Variants in GPR149 observed in about 807,000 individuals in gnomAD.
The protein encoded by GPR149 is G protein-coupled receptor 149.
In GPR149, 50 loss-of-function variants were observed where a neutral mutation model predicts 50.2. The ratio of observed to expected loss-of-function variants is 1.00; its 90% CI spans 0.79 to 1.26. The LOEUF (loss-of-function observed/expected upper bound fraction) is 1.26, where lower values mean the gene tolerates loss of function less well. Ranked by LOEUF, GPR149 falls within the 50% of genes most tolerant of loss-of-function variation. The pLI, the probability that GPR149 is intolerant of heterozygous loss-of-function variation, is 0.00. For missense variants in GPR149, 983 were observed against 895.4 expected (o/e 1.10, Z -1.25); for synonymous variants, 405 against 358.2 (o/e 1.13, Z -1.48).
intron 3 of GPR149, among the ~76,000 whole-genome samples, chr3:154,350,240 AGAAAGGAAGAAAT>A (rs1168739415): frequency 6.6e-6 from 1 of 152,170 alleles, no homozygotes; most frequent in Non-Finnish European, 1.5e-5. Flanking sequence ...TGTACAGACC[AGAAAGGAAGAAAT>A]GAAACTTTTG....
intron 3 of GPR149, among the ~76,000 whole-genome samples, chr3:154,351,127 A>G (rs1227345151): frequency 6.6e-6 from 1 of 152,034 alleles, no homozygotes; most frequent in Non-Finnish European, 1.5e-5. Context: ...CAATATAGCT[A>G]TAATAATCAA....
intron 3 of GPR149, among the ~76,000 whole-genome samples, chr3:154,339,299 G>A (rs1184054953): frequency 6.6e-6 from 1 of 152,146 alleles, no homozygotes; most frequent in Non-Finnish European, 1.5e-5. Flanking sequence ...CGGTGATTCT[G>A]TTGCATAGTA....
Position 154,429,219 on chromosome 3 carries a change from T to C in GPR149, c.397A>G (p.Thr133Ala), listed in dbSNP as rs757342527. ...TGGCTCCCCACACCTCTGTGCATCG[T>C]ATAAAAGTTGTAAGAGACTAGGAGA... ...ATLLVSYNFYTMHRGVGSQTA... is the reference protein window; with the variant it reads ...ATLLVSYNFYAMHRGVGSQTA... Residue 133 changes from threonine to alanine, a missense_variant, in exon 1 of 4, where the codon ACG becomes GCG. Coordinates refer to ENST00000389740, the MANE Select transcript of GPR149 (RefSeq NM_001038705.3). 6.2e-7 allele frequency: 1 copy of C among 1,614,002 alleles called. No homozygotes were observed. Among genetic ancestry groups the C allele is most frequent in the African/African-American group, 1.3e-5 (1 of 74,924 alleles).
chr3:154,429,163 G>C lies in GPR149; in HGVS notation c.453C>G (p.Leu151=). 1 of 1,613,816 alleles carries C rather than the reference G, an allele frequency of 6.2e-7. No individual in the cohort carries two copies. Among genetic ancestry groups the C allele is most frequent in the Non-Finnish European group, 8.5e-7 (1 of 1,179,938 alleles). ...CTGCCCACACGGTCAGCACCACGCC[G>C]AGCACCTGGCCCGATCTTCTGGAGG... ...QTASRRSGQV[L]GVVLTVWAAS... is the part of the protein sequence containing the mutation. Residue 151 remains leucine (L), a synonymous_variant, in exon 1 of 4, where the codon CTC becomes CTG. Transcript: ENST00000389740.
chr3:154,353,322 T>C (rs1356462359), intron 3 of GPR149: 6 of 1,438,722 alleles, frequency 4.2e-6, no homozygotes, highest in South Asian at 1.1e-5. Flanking sequence ...CATGTATTTA[T>C]TTGCAACTTT....
At chr3:154,408,272 A>G (rs963848746) in intron 3 of GPR149, among the ~76,000 whole-genome samples, 8 of 152,168 alleles carry the variant, frequency 5.3e-5, no homozygotes, top group Non-Finnish European at 8.8e-5. Context: ...CACATCATGA[A>G]CTTTTGCTCC....
rs780217827 is a variant in GPR149 at position 154,371,457 on chromosome 3, C to T, written c.1624-33186G>A. 1.2e-4 allele frequency among the ~76,000 whole-genome samples: 18 copies of T among 152,190 alleles called. 1 individual carries two copies. The East Asian group carries it at 2.5e-3, about 21-fold the overall frequency. On this transcript the variant is annotated intron_variant, in intron 3 of 3. Transcript: ENST00000389740. ...TTATTGTCCCTTTTATTGTAGGAGT[C>T]GGAATACTGGGCAGGCTTGGGACTG... is the stretch of plus-strand genomic sequence containing the variant.
chr3:154,360,235 G>A (rs1714347084), intron 3 of GPR149, among the ~76,000 whole-genome samples: 1 of 152,130 alleles, frequency 6.6e-6, no homozygotes, highest in Non-Finnish European at 1.5e-5. Flanking sequence ...ACAGTTTCAG[G>A]GGGTCTGTAT....
chr3:154,419,872 C>T (rs1305513177), intron 3 of GPR149, among the ~76,000 whole-genome samples: 3 of 151,972 alleles, frequency 2.0e-5, no homozygotes, highest in Non-Finnish European at 4.4e-5. Context: ...TGTTCTTTGG[C>T]CTCCACCTTT....
In GPR149 at chr3:154,337,139, C is replaced by A. The variant is rs1329855644; in HGVS notation, c.*560G>T. The A allele has an allele frequency of 6.6e-6, 1 of 152,170 alleles. No homozygotes were observed. Among genetic ancestry groups the A allele is most frequent in the Non-Finnish European group, 1.5e-5 (1 of 68,010 alleles). The allele number at this position is 152,170 out of a possible 1,614,324, so 9.4% of individuals were successfully genotyped here. On this transcript the variant is annotated 3_prime_UTR_variant, in exon 4 of 4. Transcript: ENST00000389740. ...AATGAAGGAAACAACTATTTATAGA[C>A]TAGGAACCTGCGTGTTTCTCAGTTG...
intron 3 of GPR149, among the ~76,000 whole-genome samples, chr3:154,365,879 T>G (rs1714520667): frequency 6.6e-6 from 1 of 152,156 alleles, no homozygotes; most frequent in Non-Finnish European, 1.5e-5. Flanking sequence ...TATCTAACAC[T>G]GAAGCTTTTA....
intron 2 of GPR149, among the ~76,000 whole-genome samples, chr3:154,423,591 A>G (rs73872863): frequency 0.033 from 5,046 of 151,950 alleles, 281 homozygotes; most frequent in African/African-American, 0.11. Context: ...AACTTGAGAT[A>G]ATAGGTTATA....
intron 3 of GPR149, among the ~76,000 whole-genome samples, chr3:154,417,901 T>A (rs1417000200): frequency 6.6e-6 from 1 of 152,162 alleles, no homozygotes. Flanking sequence ...CATTTTAAAT[T>A]ACAATGTGAA....
At chr3:154,345,929 T>C (rs1342323957) in intron 3 of GPR149, among the ~76,000 whole-genome samples, 2 of 152,196 alleles carry the variant, frequency 1.3e-5, no homozygotes, top group African/African-American at 4.8e-5. Flanking sequence ...ACATAGGTAG[T>C]ATCAGGACTG....
At chr3:154,353,158 T>C (rs1381410703) in intron 3 of GPR149, 1 of 1,516,040 alleles carries the variant, frequency 6.6e-7, no homozygotes, top group East Asian at 2.3e-5. Flanking sequence ...CAGAAAATAA[T>C]AGCCCTCCCT....
Position 154,428,870 on chromosome 3 carries a change from A to G in GPR149, c.746T>C (p.Val249Ala). ...PGTPPTAGRV[V>A]SLSPEDAPGP... ...TGGAGCATCCTCTGGGGACAGGGAA[A>G]CCACTCTCCCCGCAGTAGGAGGGGT... Residue 249 changes from valine to alanine, a missense_variant, in exon 1 of 4, where the codon GTT becomes GCT. Transcript: ENST00000389740. 6.2e-7 allele frequency: 1 copy of G among 1,613,676 alleles called. No homozygotes were observed. The highest frequency in any genetic ancestry group is 1.3e-5 in the African/African-American group (1 of 74,914).
chr3:154,376,477 C>G (rs1272695442), intron 3 of GPR149, among the ~76,000 whole-genome samples: 1 of 152,118 alleles, frequency 6.6e-6, no homozygotes, highest in African/African-American at 2.4e-5. Context: ...GGATTAATGT[C>G]AAAGTTCTAC....
Position 154,335,919 on chromosome 3 carries a change from A to C in GPR149, c.*1780T>G, listed in dbSNP as rs1713646158. The C allele has an allele frequency of 6.6e-6, 1 of 152,116 alleles. No individual in the cohort carries two copies. The highest frequency in any genetic ancestry group is 2.4e-5 in the African/African-American group (1 of 41,448). The allele number at this position is 152,116 out of a possible 1,614,324, so 9.4% of individuals were successfully genotyped here. On this transcript the variant is annotated 3_prime_UTR_variant, in exon 4 of 4. Coordinates refer to ENST00000389740, the MANE Select transcript of GPR149 (RefSeq NM_001038705.3). ...TATACATCTAAGTTTAAGATATCAA[A>C]GCCTATCTTCTACAAAGCATTATGA... is the stretch of plus-strand genomic sequence containing the variant.
intron 2 of GPR149, among the ~76,000 whole-genome samples, chr3:154,427,173 T>C (rs944257991): frequency 9.2e-5 from 14 of 152,288 alleles, no homozygotes; most frequent in African/African-American, 2.9e-4. Flanking sequence ...GAGGGGAATA[T>C]ATTTTCTATT....
Sources: allele counts gnomAD v4.1 joint callset (sites outside exome capture counted in the v4.1 genomes callset), GRCh38; gene constraint gnomAD v4.1.1; transcripts MANE v1.5; gene names NCBI Gene and HGNC (gene_info 2026-07-23, HGNC 2026-07-21).